Variants in ANK2 observed in about 807,000 individuals in gnomAD.
The protein encoded by ANK2 is ankyrin-2.
Under a neutral mutation model 360.5 loss-of-function variants are expected in ANK2, and 83 were observed. The ratio of observed to expected loss-of-function variants is 0.23; its 90% CI spans 0.19 to 0.28. The LOEUF (loss-of-function observed/expected upper bound fraction) is 0.28, where lower values mean the gene tolerates loss of function less well. ANK2 is among the 10% of genes least tolerant of loss of function. ANK2 has a pLI of 1.00. For missense variants in ANK2, 4,201 were observed against 4,795.7 expected (o/e 0.88, Z 3.66); for synonymous variants, 1,740 against 1,759.5 (o/e 0.99, Z 0.28).
chr4:112,946,533 A>G (rs182183757), intron 2 of ANK2, among the ~76,000 whole-genome samples: 167 of 152,340 alleles, frequency 1.1e-3, no homozygotes, highest in African/African-American at 4.0e-3. Flanking sequence ...GGAGAATTAG[A>G]AGGCAAACGT....
intron 2 of ANK2, among the ~76,000 whole-genome samples, chr4:113,038,053 A>G (rs576486354): frequency 3.3e-5 from 5 of 152,156 alleles, no homozygotes; most frequent in South Asian, 4.1e-4. Context: ...GTTCTAAGTT[A>G]TGATATACTT....
chr4:112,773,298 C>T, the ANK2 span, among the ~76,000 whole-genome samples: 10 of 152,086 alleles, frequency 6.6e-5, no homozygotes, highest in South Asian at 2.1e-4. Flanking sequence ...GCCTGGATGA[C>T]GGAGTGAGAC....
chr4:113,255,944 C>T lies in ANK2; in HGVS notation c.1188+12C>T, dbSNP rs745704825. ...ACGCCAGAGCCCTGGTAAACTTGGC[C>T]CAGTCCACATTAACTGAATACAGAT... On this transcript the variant is annotated intron_variant, in intron 11 of 45. Transcript: ENST00000357077. The T allele has an allele frequency of 1.2e-6, 2 of 1,613,048 alleles. No individual in the cohort carries two copies. The highest frequency in any genetic ancestry group is 1.7e-6 in the Non-Finnish European group (2 of 1,179,160).
intron 1 of ANK2, chr4:112,827,617 T>C (rs2149606257): frequency 1.1e-6 from 1 of 878,826 alleles, no homozygotes; most frequent in East Asian, 2.4e-5. Flanking sequence ...ACCACTCTAC[T>C]CTCCATCCAG....
At chr4:113,005,599 G>C (rs1022017561) in intron 2 of ANK2, among the ~76,000 whole-genome samples, 1 of 152,170 alleles carries the variant, frequency 6.6e-6, no homozygotes, top group East Asian at 1.9e-4. Flanking sequence ...GTAGGAAGGA[G>C]AGAGGATGAA....
chr4:113,174,163 C>T (rs2098103714), intron 1 of ANK2: 1 of 376,042 alleles, frequency 2.7e-6, no homozygotes, highest in Non-Finnish European at 5.1e-6. Flanking sequence ...AAAGCAGTAA[C>T]AATTATTTCC....
chr4:112,884,084 C>A (rs1453733245), intron 1 of ANK2, among the ~76,000 whole-genome samples: 1 of 151,930 alleles, frequency 6.6e-6, no homozygotes, highest in Admixed American at 6.6e-5. Flanking sequence ...TCAATCAATA[C>A]TTTTGATAAG....
the ANK2 span, among the ~76,000 whole-genome samples, chr4:112,776,860 ACT>A: frequency 2.6e-5 from 4 of 152,146 alleles, no homozygotes; most frequent in South Asian, 2.1e-4. Flanking sequence ...AATCCCTCTC[ACT>A]CTGTTTCATC....
At chr4:112,903,218 C>T (rs1208763005) in intron 1 of ANK2, among the ~76,000 whole-genome samples, 1 of 152,166 alleles carries the variant, frequency 6.6e-6, no homozygotes, top group Non-Finnish European at 1.5e-5. Flanking sequence ...TGACGAGTTT[C>T]CAGGTGATGC....
In ANK2 at chr4:113,354,658, A is replaced by C. The variant is rs1300705008; in HGVS notation, c.6040A>C (p.Lys2014Gln). ...ACATAAAACTGGACTCTTTGAGCAC[A>C]AATCAGCAAAACAAAAGCAGCCACA... ...SKHKTGLFEH[K>Q]SAKQKQPQEK... The change falls in exon 38 of 46, where the codon AAA (lysine) becomes CAA (glutamine). Residue 2014 changes from lysine to glutamine, a missense_variant. Physicochemically the swap from Lys to Gln is moderately conservative, Grantham distance 53. Around this residue, in one of 4 missense-constraint regions of ANK2, gnomAD observed 2,642 missense variants for 2,714.5 expected, o/e 0.97. Transcript: ENST00000357077. 2 of 1,614,074 alleles carry C rather than the reference A, an allele frequency of 1.2e-6. No homozygotes were observed. Among genetic ancestry groups the C allele is most frequent in the Non-Finnish European group, 1.7e-6 (2 of 1,180,020 alleles).
intron 1 of ANK2, among the ~76,000 whole-genome samples, chr4:112,842,829 G>A (rs1269321576): frequency 6.6e-6 from 1 of 152,204 alleles, no homozygotes; most frequent in African/African-American, 2.4e-5. Context: ...CTCTATTTAA[G>A]ACAAAAGACA....
chr4:113,372,500 T>C (rs1373417040), intron 43 of ANK2: 1 of 1,371,928 alleles, frequency 7.3e-7, no homozygotes, highest in South Asian at 1.2e-5. Context: ...CCTTAGCATG[T>C]TAAACAAAGC....
intron 2 of ANK2, among the ~76,000 whole-genome samples, chr4:112,972,535 A>G (rs538224592): frequency 2.6e-5 from 4 of 152,144 alleles, no homozygotes; most frequent in African/African-American, 9.7e-5. Context: ...GTCAGTGTAC[A>G]GGTGTTATGT....
the ANK2 span, among the ~76,000 whole-genome samples, chr4:112,785,003 A>G: frequency 6.6e-6 from 1 of 152,228 alleles, no homozygotes; most frequent in Non-Finnish European, 1.5e-5. Flanking sequence ...AAAATAAAAC[A>G]AGAGGAAAAT....
intron 26 of ANK2, 74 bp downstream of exon 26, chr4:113,318,694 G>C: frequency 3.1e-6 from 4 of 1,273,326 alleles, no homozygotes; most frequent in South Asian, 1.3e-5. Flanking sequence ...GCTTTGTCCA[G>C]TAGCTTTAGC....
At chr4:113,005,289 C>G (rs1443771168) in intron 2 of ANK2, among the ~76,000 whole-genome samples, 1 of 152,124 alleles carries the variant, frequency 6.6e-6, no homozygotes, top group Non-Finnish European at 1.5e-5. Context: ...ACCCACACTG[C>G]ATATTTATCA....
chr4:112,989,455 T>C (rs1362615934), intron 2 of ANK2, among the ~76,000 whole-genome samples: 1 of 152,180 alleles, frequency 6.6e-6, no homozygotes, highest in Non-Finnish European at 1.5e-5. Context: ...TTTAGTGGTG[T>C]TTTATATTTA....
intron 1 of ANK2, among the ~76,000 whole-genome samples, chr4:112,843,447 G>T (rs1419332122): frequency 1.3e-5 from 2 of 152,130 alleles, no homozygotes; most frequent in East Asian, 3.9e-4. Flanking sequence ...AACTCTAGTG[G>T]CCCAGCAATG....
At chr4:112,858,765 C>T (rs1026074659) in intron 1 of ANK2, among the ~76,000 whole-genome samples, 2 of 152,204 alleles carry the variant, frequency 1.3e-5, no homozygotes, top group Non-Finnish European at 2.9e-5. Flanking sequence ...ACTTTCTCTT[C>T]ACATTGTAGG....
Sources: gnomAD v4.1 joint callset for allele counts (sites outside exome capture counted in the v4.1 genomes callset) on GRCh38, gnomAD v4.1.1 for gene constraint, gnomAD v4.1.1 regional missense constraint, MANE v1.5 for transcripts, NCBI Gene and HGNC (gene_info 2026-07-23, HGNC 2026-07-21) for gene names.